The following STPG1 variants were observed in gnomAD, a reference collection of about 807,000 sequenced individuals.
STPG1 encodes sperm tail PG-rich repeat containing 1.
A neutral mutation model predicts 40.1 loss-of-function variants in STPG1; 33 were observed. The observed-to-expected ratio is 0.82, with a 90% CI of 0.62 to 1.10. The LOEUF is 1.10. STPG1 is among the 50% of genes least tolerant of loss of function. The pLI, the probability that STPG1 is intolerant of heterozygous loss-of-function variation, is 0.00. For synonymous variants in STPG1, 150 were observed against 155.0 expected (o/e 0.97, Z 0.24); for missense variants, 396 against 415.1 (o/e 0.95, Z 0.40).
In STPG1 at chr1:24,361,033, G is replaced by A. The variant is rs142852156; in HGVS notation, c.746C>T (p.Pro249Leu). The A allele has an allele frequency of 1.8e-4, 289 of 1,604,688 alleles. No individual in the cohort carries two copies. The highest frequency in any genetic ancestry group is 1.5e-3 in the Middle Eastern group (9 of 5,996). The part of the protein sequence containing the change: ...VPKKTLFPKN[P>L]ILNFSAQPSP... The stretch of plus-strand genomic sequence containing the variant: ...AGGCTGAGCAGAGAAGTTCAGGATG[G>A]GGTTTTTCCTTTGGGAAAGATAAAA... Residue 249 changes from proline (P) to leucine (L), a missense_variant, in exon 8 of 9, where the codon CCC becomes CTC. Physicochemically the swap from Pro to Leu is moderately conservative, Grantham distance 98. Coordinates refer to ENST00000337248, the MANE Select transcript of STPG1 (RefSeq NM_001199013.2).
chr1:24,384,048 A>G, intron 3 of STPG1, 45 bp from the exon 4 acceptor site: 2 of 1,236,272 alleles, frequency 1.6e-6, no homozygotes, highest in East Asian at 4.6e-5. Context: ...CTTCAATTCC[A>G]TTGTGCTTTT....
intron 1 of STPG1, among the ~76,000 whole-genome samples, chr1:24,405,932 T>TACA (rs1643398742): frequency 3.9e-5 from 6 of 152,146 alleles, no homozygotes; most frequent in Admixed American, 2.6e-4. Context: ...TATTGAGTTT[T>TACA]CTTCACACTT....
rs139587004 is a variant in STPG1, at chr1:24,358,541, C to T, written c.*2G>A. The T allele has an allele frequency of 1.2e-6, 2 of 1,613,024 alleles. No individual in the cohort carries two copies. The highest frequency in any genetic ancestry group is 1.7e-6 in the Non-Finnish European group (2 of 1,178,988). On this transcript the variant is annotated 3_prime_UTR_variant, in exon 9 of 9. Coordinates refer to ENST00000337248, the MANE Select transcript of STPG1 (RefSeq NM_001199013.2). Reference sequence around the variant, plus strand: ...AGTTCTCCTTGACCTTGTGTGACATCCCTACAGAACCGGGATCCATTTCTT... The same window carrying T: ...AGTTCTCCTTGACCTTGTGTGACATTCCTACAGAACCGGGATCCATTTCTT...
intron 2 of STPG1, 41 bp downstream of exon 2, chr1:24,401,260 TTATGTACTAAAATAAGCA>T: frequency 6.5e-7 from 1 of 1,540,654 alleles, no homozygotes; most frequent in Non-Finnish European, 9.0e-7. Flanking sequence ...AAATTTGCTC[TTATGTACTAAAATAAGCA>T]TATGTCAGGA....
At chr1:24,403,738 T>A (rs760303321) in intron 1 of STPG1, among the ~76,000 whole-genome samples, 9 of 152,130 alleles carry the variant, frequency 5.9e-5, no homozygotes, top group South Asian at 2.1e-4. Context: ...TAAAATTTTT[T>A]AAATTTCTCA....
chr1:24,403,513 G>T (rs946822474), intron 1 of STPG1, among the ~76,000 whole-genome samples: 7 of 152,068 alleles, frequency 4.6e-5, no homozygotes, highest in Non-Finnish European at 4.4e-5. Flanking sequence ...CCTGGATTTT[G>T]ATTGAGATTG....
At chr1:24,382,907 T>C (rs1266143337) in intron 4 of STPG1, among the ~76,000 whole-genome samples, 3 of 139,522 alleles carry the variant, frequency 2.2e-5, no homozygotes, top group African/African-American at 8.7e-5. Context: ...CTGGGCTTGC[T>C]TTCTTTTCAC....
chr1:24,384,058 TC>T, intron 3 of STPG1, 55 bp from the exon 4 acceptor site: 1 of 1,123,048 alleles, frequency 8.9e-7, no homozygotes, highest in Non-Finnish European at 1.4e-6. Flanking sequence ...ATTGTGCTTT[TC>T]CACAGGCTTT....
At chr1:24,374,559 G>A (rs1043571875) in intron 5 of STPG1, among the ~76,000 whole-genome samples, 2 of 147,920 alleles carry the variant, frequency 1.4e-5, no homozygotes, top group African/African-American at 2.5e-5. Flanking sequence ...GCGCCCAGCC[G>A]GAAAGTGTTT....
At chr1:24,388,514 T>C (rs974130005) in intron 3 of STPG1, among the ~76,000 whole-genome samples, 4 of 152,246 alleles carry the variant, frequency 2.6e-5, no homozygotes, top group Admixed American at 6.5e-5. Context: ...GAATGTGAGC[T>C]GGGCAAGGAG....
intron 1 of STPG1, among the ~76,000 whole-genome samples, chr1:24,404,914 AT>A (rs1487710942): frequency 6.6e-6 from 1 of 151,862 alleles, no homozygotes. Context: ...TTCTATGATT[AT>A]TTTTTCTTTC....
intron 2 of STPG1, among the ~76,000 whole-genome samples, chr1:24,398,955 GTTTT>G (rs762034725): frequency 4.6e-5 from 7 of 151,998 alleles, no homozygotes; most frequent in Admixed American, 2.0e-4. Flanking sequence ...TGAGAGTAGA[GTTTT>G]TTTAAGACAT....
chr1:24,361,137 G>C lies in STPG1; in HGVS notation c.738-96C>G, dbSNP rs1039927601. On this transcript the variant is annotated intron_variant, in intron 7 of 8. Coordinates refer to ENST00000337248, the MANE Select transcript of STPG1 (RefSeq NM_001199013.2). Reference sequence around the variant, plus strand: ...GCCAAGACCTGCACAGCAGCAAGCTGTCTGGAAGAGGACTGGTCACGGCAC... The same window carrying C: ...GCCAAGACCTGCACAGCAGCAAGCTCTCTGGAAGAGGACTGGTCACGGCAC... 7 of 1,165,806 alleles carry C rather than the reference G, an allele frequency of 6.0e-6. No homozygotes were observed. The African/African-American group carries it at 1.1e-4, about 18-fold the overall frequency. The allele number at this position is 1,165,806 out of a possible 1,614,324, so 72.2% of individuals were successfully genotyped here. A position where few individuals can be genotyped will look rare whatever the true frequency, so the allele number is the denominator to read the frequency against.
intron 7 of STPG1, chr1:24,364,034 T>C: frequency 8.3e-7 from 1 of 1,209,146 alleles, no homozygotes; most frequent in Non-Finnish European, 1.1e-6. Flanking sequence ...TAATCTCCCA[T>C]GTCCTGCTGC....
chr1:24,379,866 T>C lies in STPG1; in HGVS notation c.292-43A>G, dbSNP rs375539520. The C allele has an allele frequency of 1.9e-6, 3 of 1,591,706 alleles. No homozygotes were observed. The African/African-American group carries it at 4.0e-5, about 21-fold the overall frequency. ...AAGGAATCAGCATTGTCACATAATA[T>C]TGTGGATCTGAAGGACAGATGTCAA... On this transcript the variant is annotated intron_variant, in intron 4 of 8. Coordinates refer to ENST00000337248, the MANE Select transcript of STPG1 (RefSeq NM_001199013.2).
chr1:24,364,381 C>G, intron 7 of STPG1: 1 of 1,531,162 alleles, frequency 6.5e-7, no homozygotes, highest in Non-Finnish European at 8.8e-7. Context: ...ACACACCCAC[C>G]TGGAGGAGAG....
At chr1:24,393,746 A>G (rs1642876494) in intron 2 of STPG1, among the ~76,000 whole-genome samples, 1 of 152,208 alleles carries the variant, frequency 6.6e-6, no homozygotes, top group Non-Finnish European at 1.5e-5. Flanking sequence ...CTGGAAAAAA[A>G]AAGTTAAAAA....
At chr1:24,393,971 C>CA (rs1439335831) in intron 2 of STPG1, among the ~76,000 whole-genome samples, 1 of 152,104 alleles carries the variant, frequency 6.6e-6, no homozygotes, top group Non-Finnish European at 1.5e-5. Flanking sequence ...CCAGAAAGAC[C>CA]AAGACAGCTA....
chr1:24,386,488 G>A (rs525500), intron 3 of STPG1, among the ~76,000 whole-genome samples: 105,989 of 151,868 alleles, frequency 0.7, 37,999 homozygotes, highest in African/African-American at 0.89. Flanking sequence ...GTGGCTTGAA[G>A]TTGGCCACGG....
Sources: allele counts gnomAD v4.1 joint callset (sites outside exome capture counted in the v4.1 genomes callset), GRCh38; gene constraint gnomAD v4.1.1; transcripts MANE v1.5; gene names NCBI Gene and HGNC (gene_info 2026-07-23, HGNC 2026-07-21).